CCDC180: variants seen among roughly 807,000 people sequenced by gnomAD.
CCDC180 encodes coiled-coil domain-containing protein 180.
CCDC180 carries 154 observed loss-of-function variants against 209.2 expected under a neutral mutation model. The ratio of observed to expected loss-of-function variants is 0.74; its 90% CI spans 0.65 to 0.84. CCDC180 has a LOEUF of 0.84. Ranked by LOEUF, CCDC180 falls within the 40% of genes least tolerant of loss-of-function variation. The pLI, the probability that CCDC180 is intolerant of heterozygous loss-of-function variation, is 0.00. For missense variants in CCDC180, 1,874 were observed against 1,997.3 expected (o/e 0.94, Z 1.18); for synonymous variants, 778 against 749.1 (o/e 1.04, Z -0.63).
intron 18 of CCDC180, among the ~76,000 whole-genome samples, chr9:97,331,500 T>C (rs1024302823): frequency 6.6e-6 from 1 of 152,210 alleles, no homozygotes; most frequent in African/African-American, 2.4e-5. Context: ...ATTGCCACAC[T>C]GGAATACACT....
At chr9:97,328,278 AG>A in intron 16 of CCDC180, 132 bp downstream of exon 16, 4 of 1,009,100 alleles carry the variant, frequency 4.0e-6, no homozygotes, top group Non-Finnish European at 5.6e-6. Flanking sequence ...GCAAGAAGAA[AG>A]AAGCTGAAAG....
chr9:97,362,013 A>G, intron 27 of CCDC180, 115 bp downstream of exon 27: 1 of 1,384,656 alleles, frequency 7.2e-7, no homozygotes, highest in Non-Finnish European at 9.8e-7. Context: ...TCCACCCCTG[A>G]GAGCCTGTGA....
chr9:97,370,883 A>C, intron 33 of CCDC180, 105 bp downstream of exon 33: 1 of 1,256,912 alleles, frequency 8.0e-7, no homozygotes, highest in Non-Finnish European at 1.1e-6. Flanking sequence ...TCTTGCCCAA[A>C]GCAGGCATGA....
chr9:97,307,787 G>C lies in CCDC180; in HGVS notation c.-101G>C, dbSNP rs748196889. On this transcript the variant is annotated 5_prime_UTR_variant, in exon 1 of 37. Coordinates refer to ENST00000529487, the MANE Select transcript of CCDC180 (RefSeq NM_020893.6). ...GGCGGGGAGAACCGGCCTCCTGCTC[G>C]AGTTCAGAGCTCATCTGAGGTTAGT... is the stretch of plus-strand genomic sequence containing the variant. 3.7e-6 allele frequency: 6 copies of C among 1,614,202 alleles called. No homozygotes were observed. Among genetic ancestry groups the C allele is most frequent in the Non-Finnish European group, 5.1e-6 (6 of 1,180,030 alleles).
At chr9:97,363,099 C>T (rs975337679) in intron 28 of CCDC180, among the ~76,000 whole-genome samples, 1 of 152,230 alleles carries the variant, frequency 6.6e-6, no homozygotes, top group African/African-American at 2.4e-5. Flanking sequence ...GCATTGCCCT[C>T]CTCTCCAGCT....
chr9:97,330,685 A>G lies in CCDC180; in HGVS notation c.2192A>G (p.Glu731Gly). 1 of 1,572,994 alleles carries G rather than the reference A, an allele frequency of 6.4e-7. No homozygotes were observed. The change falls in exon 18 of 37, where the codon GAA (glutamate) becomes GGA (glycine). Residue 731 changes from glutamate (E) to glycine (G), a missense_variant. Physicochemically the swap from Glu to Gly is moderately conservative, Grantham distance 98. Coordinates refer to ENST00000529487, the MANE Select transcript of CCDC180 (RefSeq NM_020893.6). ...EESEEEDEKEEEEEEEKLEEE... is the reference protein window; with the variant it reads ...EESEEEDEKEGEEEEEKLEEE... ...TCAGAGGAGGAAGATGAGAAGGAGG[A>G]AGAGGAGGAGGAGGAGAAGCTGGAG...
intron 18 of CCDC180, among the ~76,000 whole-genome samples, chr9:97,337,349 G>A (rs1452349336): frequency 6.6e-5 from 10 of 152,172 alleles, no homozygotes; most frequent in Non-Finnish European, 1.5e-4. Context: ...TCAATACCTA[G>A]TTTATTGAGA....
chr9:97,338,538 G>T (rs1825979662), intron 18 of CCDC180, among the ~76,000 whole-genome samples: 3 of 152,126 alleles, frequency 2.0e-5, no homozygotes, highest in African/African-American at 4.8e-5. Flanking sequence ...AGTTTGTTGT[G>T]ATTTCTGTTC....
At position 97,327,734 on chromosome 9, in the gene CCDC180, G is replaced by T. The variant is rs145336861; in HGVS notation, c.1662-286G>T. On this transcript the variant is annotated intron_variant, in intron 15 of 36. Coordinates refer to ENST00000529487, the MANE Select transcript of CCDC180 (RefSeq NM_020893.6). The stretch of plus-strand genomic sequence containing the variant: ...GATGGAATAATGTAGGTACCGTCAA[G>T]TTCGAGGACAGCATTAAGACCAAAG... Among the ~76,000 whole-genome samples the T allele has an allele frequency of 3.6e-3, 551 of 152,292 alleles. 8 individuals carry two copies. The highest frequency in any genetic ancestry group is 0.013 in the African/African-American group (534 of 41,554).
At chr9:97,309,629 C>G (rs1326343035) in intron 3 of CCDC180, 25 bp downstream of exon 3, 7 of 1,502,822 alleles carry the variant, frequency 4.7e-6, no homozygotes, top group Non-Finnish European at 6.2e-6. Flanking sequence ...CCATGCCTCA[C>G]CCCCATGCAC....
Position 97,313,232 on chromosome 9 carries a change from G to A in CCDC180, c.350-4G>A, listed in dbSNP as rs191119796. 17 of 1,600,910 alleles carry A rather than the reference G, an allele frequency of 1.1e-5. No homozygotes were observed. Among genetic ancestry groups the A allele is most frequent in the East Asian group, 4.5e-5 (2 of 44,510 alleles). On this transcript the variant is annotated splice_polypyrimidine_tract_variant and splice_region_variant and intron_variant, in intron 4 of 36. Coordinates refer to ENST00000529487, the MANE Select transcript of CCDC180 (RefSeq NM_020893.6). ...GCCTCATCACCTCTGTTGTTGCTCC[G>A]CAGTTCCTGAGAAGATAAGCACCAG...
intron 19 of CCDC180, among the ~76,000 whole-genome samples, chr9:97,346,536 T>C (rs1826265934): frequency 6.6e-6 from 1 of 152,150 alleles, no homozygotes; most frequent in Non-Finnish European, 1.5e-5. Flanking sequence ...AGAAATTGAT[T>C]TGTAAAAAAA....
intron 25 of CCDC180, among the ~76,000 whole-genome samples, chr9:97,358,602 C>A (rs1826658469): frequency 6.6e-6 from 1 of 152,150 alleles, no homozygotes; most frequent in Non-Finnish European, 1.5e-5. Flanking sequence ...GACTCTGTCC[C>A]CCAGTGAATG....
Position 97,343,375 on chromosome 9 carries a change from C to T in CCDC180, c.2310C>T (p.Tyr770=), listed in dbSNP as rs538222186. The stretch of plus-strand genomic sequence containing the variant: ...AGGAAGAGGGTCTAGAGGAGATATA[C>T]TATGAGGACATGGAGTCCTTCACAA... ...EDKEEGLEEI[Y]YEDMESFTIS... Residue 770 remains tyrosine (Y), a synonymous_variant, in exon 19 of 37, where the codon TAC becomes TAT. Coordinates refer to ENST00000529487, the MANE Select transcript of CCDC180 (RefSeq NM_020893.6). 6.2e-7 allele frequency: 1 copy of T among 1,612,876 alleles called. No individual in the cohort carries two copies. The highest frequency in any genetic ancestry group is 1.1e-5 in the South Asian group (1 of 91,066).
At chr9:97,327,459 T>G (rs1833571348) in intron 15 of CCDC180, among the ~76,000 whole-genome samples, 1 of 152,224 alleles carries the variant, frequency 6.6e-6, no homozygotes, top group Non-Finnish European at 1.5e-5. Flanking sequence ...CTCAATTGAT[T>G]AGCTGTTTTC....
intron 18 of CCDC180, among the ~76,000 whole-genome samples, chr9:97,338,362 T>A (rs1321501165): frequency 6.6e-6 from 1 of 152,232 alleles, no homozygotes; most frequent in African/African-American, 2.4e-5. Flanking sequence ...GTACATTGTG[T>A]CTTTGTTCTC....
At chr9:97,327,522 A>G (rs1564154184) in intron 15 of CCDC180, among the ~76,000 whole-genome samples, 1 of 152,280 alleles carries the variant, frequency 6.6e-6, no homozygotes, top group Non-Finnish European at 1.5e-5. Context: ...ACTTTCTTGC[A>G]TCTTTGTGAC....
At chr9:97,321,735 AGC>A (rs1833365277) in intron 11 of CCDC180, among the ~76,000 whole-genome samples, 1 of 152,168 alleles carries the variant, frequency 6.6e-6, no homozygotes, top group Admixed American at 6.5e-5. Context: ...CAGCCATGGG[AGC>A]CACAGTTAGG....
In CCDC180 at chr9:97,320,078, T is replaced by C. The variant is rs757582786; in HGVS notation, c.1080-48T>C. The C allele has an allele frequency of 2.0e-6, 3 of 1,473,994 alleles. No homozygotes were observed. The South Asian group carries it at 3.4e-5, about 17-fold the overall frequency. The allele number at this position is 1,473,994 out of a possible 1,614,324, so 91.3% of individuals were successfully genotyped here. A position where few individuals can be genotyped will look rare whatever the true frequency, so the allele number is the denominator to read the frequency against. On this transcript the variant is annotated intron_variant, in intron 10 of 36. Transcript: ENST00000529487. ...TGAAGATGCTACCCATTTTGGTGAGTAAACGGTTTGTTCCTGTGTGGCTTA... is the reference window on the plus strand; with the variant it reads ...TGAAGATGCTACCCATTTTGGTGAGCAAACGGTTTGTTCCTGTGTGGCTTA...
Sources: allele counts gnomAD v4.1 joint callset (sites outside exome capture counted in the v4.1 genomes callset), GRCh38; gene constraint gnomAD v4.1.1; transcripts MANE v1.5; gene names NCBI Gene and HGNC (gene_info 2026-07-23, HGNC 2026-07-21).